Variants in RSRP1 observed in about 807,000 individuals in gnomAD.
RSRP1 encodes arginine/serine-rich protein 1.
In RSRP1, 37 loss-of-function variants were observed where a neutral mutation model predicts 33.0. The ratio of observed to expected loss-of-function variants is 1.12; its 90% CI spans 0.86 to 1.48. The LOEUF (loss-of-function observed/expected upper bound fraction) is 1.48. Among genes scored for constraint, RSRP1 ranks in the 40% most tolerant of loss-of-function variants. The pLI, the probability that RSRP1 is intolerant of heterozygous loss-of-function variation, is 0.00. For missense variants in RSRP1, 402 were observed against 385.3 expected (o/e 1.04, Z -0.36); for synonymous variants, 167 against 158.7 (o/e 1.05, Z -0.40).
chr1:25,301,659 G>A, intron 1 of RSRP1: 1 of 1,379,960 alleles, frequency 7.2e-7, no homozygotes, highest in South Asian at 1.2e-5. Flanking sequence ...GGTCATCCTT[G>A]GCTCACCCCC....
In RSRP1 at chr1:25,242,547, A is replaced by C; in HGVS notation, c.*42T>G. On this transcript the variant is annotated 3_prime_UTR_variant, in exon 5 of 5. Coordinates refer to ENST00000243189, the MANE Select transcript of RSRP1 (RefSeq NM_020317.5). The stretch of plus-strand genomic sequence containing the variant: ...ATGCTAGAAACACTAACTTGCAATA[A>C]AGTGCAGTTTTCATGCAAACTTAGC... 8.1e-7 allele frequency: 1 copy of C among 1,228,528 alleles called. No homozygotes were observed. Among genetic ancestry groups the C allele is most frequent in the Middle Eastern group, 1.9e-4 (1 of 5,194 alleles). 76.1% of individuals were successfully genotyped at this position (1,228,528 alleles called of 1,614,324 possible).
At chr1:25,270,863 A>C (rs377505528) in intron 1 of RSRP1, among the ~76,000 whole-genome samples, 2 of 131,820 alleles carry the variant, frequency 1.5e-5, no homozygotes, top group East Asian at 3.9e-4. Flanking sequence ...ACTTAATAAC[A>C]GTTAGCTCTG....
At position 25,245,000 on chromosome 1, in the gene RSRP1, A is replaced by G. The variant is rs577725687; in HGVS notation, c.672+150T>C. The G allele has an allele frequency of 1.1e-4, 173 of 1,537,410 alleles. 1 individual carries two copies. The East Asian group carries it at 3.8e-3, about 33-fold the overall frequency. On this transcript the variant is annotated intron_variant, in intron 3 of 4. Transcript: ENST00000243189. ...AATCTCCCATTTTCATGGGTTTGAC[A>G]TTGCCTATCTTCAGATTTGCTACTT...
At chr1:25,264,138 C>T (rs960818687) in intron 1 of RSRP1, among the ~76,000 whole-genome samples, 20 of 151,918 alleles carry the variant, frequency 1.3e-4, no homozygotes, top group African/African-American at 4.9e-4. Flanking sequence ...TTTCCAGGTA[C>T]ACGGTGCAAG....
Position 25,305,044 on chromosome 1 carries a change from G to A in RSRP1, c.-67+32934C>T, listed in dbSNP as rs1292401573. ...CTTTTCAAGCTATAGTTTAGTGAGC[G>A]AAATGGATACACACAATACAGTGTG... On this transcript the variant is annotated intron_variant, in intron 1 of 1. Transcript: ENST00000561867. Among the ~76,000 whole-genome samples, 21 of 132,538 alleles carry A rather than the reference G, an allele frequency of 1.6e-4. 7 individuals are homozygous for A. The highest frequency in any genetic ancestry group is 3.4e-4 in the Non-Finnish European group (19 of 56,136). 87.0% of individuals were successfully genotyped at this position (132,538 alleles called of 152,430 possible).
chr1:25,246,385 C>A, intron 2 of RSRP1, 59 bp downstream of exon 2: 1 of 1,575,042 alleles, frequency 6.3e-7, no homozygotes, highest in African/African-American at 1.3e-5. Context: ...GGTTCCCTAG[C>A]CTACTCATAT....
chr1:25,283,329 G>A lies in RSRP1; in HGVS notation c.-66-36300C>T, dbSNP rs577862904. ...GCAGATCACTTGAGGTCAGGAGTTC[G>A]AGACCAGCTTGGCCAACATAGCGAA... On this transcript the variant is annotated intron_variant, in intron 1 of 1. Transcript: ENST00000561867. 2.3e-5 allele frequency among the ~76,000 whole-genome samples: 3 copies of A among 131,638 alleles called. No homozygotes were observed. The South Asian group carries it at 6.9e-4, about 30-fold the overall frequency. The allele number at this position is 131,638 out of a possible 152,430, so 86.4% of individuals were successfully genotyped here.
rs1215614573 is a variant in RSRP1, at chr1:25,283,280, C to T, written c.-66-36251G>A. Reference sequence around the variant, plus strand: ...GCCCTGTGGCTCATGTCTGTAATCCCATCACTTTGGGAAACCGAGGTGGGC... The same window carrying T: ...GCCCTGTGGCTCATGTCTGTAATCCTATCACTTTGGGAAACCGAGGTGGGC... On this transcript the variant is annotated intron_variant, in intron 1 of 1. Coordinates refer to the RSRP1 transcript ENST00000561867. Among the ~76,000 whole-genome samples the T allele has an allele frequency of 1.5e-5, 2 of 132,142 alleles. 1 individual carries two copies. The highest frequency in any genetic ancestry group is 7.5e-3 in the Middle Eastern group (2 of 266). 86.7% of individuals were successfully genotyped at this position (132,142 alleles called of 152,430 possible). A position where few individuals can be genotyped will look rare whatever the true frequency, so the allele number is the denominator to read the frequency against.
intron 1 of RSRP1, among the ~76,000 whole-genome samples, chr1:25,268,334 C>A (rs1291853828): frequency 1.5e-5 from 2 of 131,756 alleles, no homozygotes; most frequent in African/African-American, 5.2e-5. Flanking sequence ...GACTAGCCAA[C>A]GTGGTGAAAC....
intron 1 of RSRP1, among the ~76,000 whole-genome samples, chr1:25,331,030 G>A (rs28512306): frequency 8.4e-5 from 9 of 106,862 alleles, no homozygotes; most frequent in African/African-American, 2.5e-4. Flanking sequence ...GTGGCCCGAT[G>A]GATCTCGGCT....
chr1:25,288,366 G>T (rs1349041963), intron 1 of RSRP1, among the ~76,000 whole-genome samples: 2 of 124,694 alleles, frequency 1.6e-5, no homozygotes, highest in African/African-American at 5.5e-5. Flanking sequence ...TTTTTGTAGA[G>T]ATGGAGTCTC....
At position 25,243,678 on chromosome 1, in the gene RSRP1, G is replaced by A. The variant is rs376802336; in HGVS notation, c.673-45C>T. ...GTGTAATTTTAAAACACATACCCTT[G>A]GTTTCTAAATCCTATATTAAAAAAT... is the stretch of plus-strand genomic sequence containing the variant. On this transcript the variant is annotated intron_variant, in intron 3 of 4. Coordinates refer to ENST00000243189, the MANE Select transcript of RSRP1 (RefSeq NM_020317.5). The A allele has an allele frequency of 4.8e-5, 77 of 1,603,878 alleles. No homozygotes were observed. The African/African-American group carries it at 9.4e-4, about 20-fold the overall frequency.
In RSRP1 at chr1:25,333,550, G is replaced by A. The variant is rs1338088638; in HGVS notation, c.-67+4428C>T. ...GAGAAGGGTGGGCCAGGGAGAGACGGATAAGTGATCTAACTCCTGAGGAGG... is the reference window on the plus strand; with the variant it reads ...GAGAAGGGTGGGCCAGGGAGAGACGAATAAGTGATCTAACTCCTGAGGAGG... On this transcript the variant is annotated intron_variant, in intron 1 of 1. Transcript: ENST00000561867. 1.7e-4 allele frequency among the ~76,000 whole-genome samples: 22 copies of A among 130,200 alleles called. 1 individual carries two copies. Among genetic ancestry groups the A allele is most frequent in the African/African-American group, 5.4e-4 (20 of 37,262 alleles). 85.4% of individuals were successfully genotyped at this position (130,200 alleles called of 152,430 possible). A position where few individuals can be genotyped will look rare whatever the true frequency, so the allele number is the denominator to read the frequency against.
intron 3 of RSRP1, 98 bp downstream of exon 3, chr1:25,245,052 T>C (rs1639233284): frequency 1.9e-6 from 3 of 1,608,542 alleles, no homozygotes; most frequent in Non-Finnish European, 2.5e-6. Context: ...TATACATCTC[T>C]AGACTTCCCA....
chr1:25,334,768 C>T (rs1323217144), intron 1 of RSRP1, among the ~76,000 whole-genome samples: 1 of 133,418 alleles, frequency 7.5e-6, no homozygotes, highest in African/African-American at 2.6e-5. Context: ...GGGGCTTGCA[C>T]TCCCCGAAGC....
chr1:25,244,664 C>T (rs1169041057), intron 3 of RSRP1: 4 of 1,209,104 alleles, frequency 3.3e-6, no homozygotes, highest in East Asian at 5.7e-5. Context: ...TATAAGAGTA[C>T]ACTGTTAACT....
rs780242430 is a variant in RSRP1, at chr1:25,246,829, G to C, written c.135C>G (p.Ser45=). The C allele has an allele frequency of 1.1e-5, 17 of 1,613,312 alleles. No homozygotes were observed. In the South Asian group the frequency reaches 1.6e-4, roughly 16 times the overall value. The change falls in exon 2 of 5, where the codon TCC becomes TCG. Residue 45 remains serine (S), a synonymous_variant. Coordinates refer to ENST00000243189, the MANE Select transcript of RSRP1 (RefSeq NM_020317.5). ...RSRSFSRSSR[S]HSRVSSRFSS... ...AAAACCGGCTCGAGACGCGGGAATG[G>C]GACCGAGAGCTTCTGGAAAAAGAGC...
Position 25,257,893 on chromosome 1 carries a change from G to A in RSRP1, c.-66-10864C>T, listed in dbSNP as rs569657447. 6.6e-5 allele frequency among the ~76,000 whole-genome samples: 10 copies of A among 152,262 alleles called. No homozygotes were observed. The South Asian group carries it at 1.9e-3, about 28-fold the overall frequency. ...CCCAAAGTACTGGGATTACAGGCGT[G>A]AGCCACCATACCTGGCCCACAGAAA... On this transcript the variant is annotated intron_variant, in intron 1 of 1. Transcript: ENST00000561867.
intron 3 of RSRP1, chr1:25,244,153 C>T (rs1226472947): frequency 2.3e-6 from 3 of 1,287,854 alleles, no homozygotes; most frequent in Non-Finnish European, 3.0e-6. Context: ...ACATCCTGCA[C>T]ATTTCTGGAG....
Sources: allele counts gnomAD v4.1 joint callset (sites outside exome capture counted in the v4.1 genomes callset), GRCh38; gene constraint gnomAD v4.1.1; transcripts MANE v1.5; gene names NCBI Gene and HGNC (gene_info 2026-07-23, HGNC 2026-07-21).